SERPINB10: variants seen among roughly 807,000 people sequenced by gnomAD.
SERPINB10 encodes the protein serpin B10.
A neutral mutation model predicts 39.1 loss-of-function variants in SERPINB10; 35 were observed. The ratio of observed to expected loss-of-function variants is 0.90; its 90% CI spans 0.68 to 1.19. The LOEUF is 1.19. Among genes scored for constraint, SERPINB10 ranks in the 50% most tolerant of loss-of-function variants. The pLI, the probability that SERPINB10 is intolerant of heterozygous loss-of-function variation, is 0.00. For missense variants in SERPINB10, 546 were observed against 460.5 expected (o/e 1.19, Z -1.70); for synonymous variants, 190 against 158.1 (o/e 1.20, Z -1.52).
chr18:63,919,930 C>A, intron 5 of SERPINB10, 25 bp downstream of exon 5: 1 of 1,450,858 alleles, frequency 6.9e-7, no homozygotes, highest in Non-Finnish European at 9.5e-7. Context: ...AGGGGTTTGG[C>A]AGCGTGCTTT....
chr18:63,934,904 G>A lies in SERPINB10; in HGVS notation c.856G>A (p.Glu286Lys). 1 of 1,614,204 alleles carries A rather than the reference G, an allele frequency of 6.2e-7. No individual in the cohort carries two copies. Among genetic ancestry groups the A allele is most frequent in the Non-Finnish European group, 8.5e-7 (1 of 1,180,026 alleles). The change falls in exon 8 of 8, where the codon GAA (glutamate) becomes AAA (lysine). Residue 286 changes from glutamate to lysine, a missense_variant. Physicochemically the swap from Glu to Lys is moderately conservative, Grantham distance 56. Coordinates refer to ENST00000238508, the MANE Select transcript of SERPINB10 (RefSeq NM_005024.3). ...CAGTGCAGACATGATGGAGTTGTATGAAGTGCAGCTACACCTTCCCAAGTT... is the reference window on the plus strand; with the variant it reads ...CAGTGCAGACATGATGGAGTTGTATAAAGTGCAGCTACACCTTCCCAAGTT... ...WTSADMMELYEVQLHLPKFKL... is the reference protein window; with the variant it reads ...WTSADMMELYKVQLHLPKFKL...
At chr18:63,915,974 T>C (rs1403747996) in intron 2 of SERPINB10, among the ~76,000 whole-genome samples, 1 of 152,044 alleles carries the variant, frequency 6.6e-6, no homozygotes, top group African/African-American at 2.4e-5. Flanking sequence ...ATTTTGATGA[T>C]ATTATTTCAA....
rs201620640 is a variant in SERPINB10 at position 63,917,504 on chromosome 18, GA to G, written c.226del (p.Arg76GlyfsTer7). The G allele has an allele frequency of 1.0e-3, 1,581 of 1,527,916 alleles. No homozygotes were observed. The highest frequency in any genetic ancestry group is 1.2e-3 in the Non-Finnish European group (1,333 of 1,132,082). The allele number at this position is 1,527,916 out of a possible 1,614,324, so 94.6% of individuals were successfully genotyped here. A position where few individuals can be genotyped will look rare whatever the true frequency, so the allele number is the denominator to read the frequency against. ...DQGVKCDPES[E>X]KKRKMEFNLS... The stretch of plus-strand genomic sequence containing the variant: ...GGGAGTCAAATGTGACCCTGAAAGT[GA>G]AAAAAAAAGGAAAATGGTATATCTT... On this transcript the variant is annotated frameshift_variant, in exon 3 of 8. Transcript: ENST00000238508. LOFTEE classifies it high-confidence loss of function.
At chr18:63,915,747 G>T in intron 2 of SERPINB10, 69 bp downstream of exon 2, 1 of 1,337,652 alleles carries the variant, frequency 7.5e-7, no homozygotes, top group Non-Finnish European at 1.0e-6. Context: ...TTTAACTTCA[G>T]TTTTCTCTTG....
chr18:63,927,374 C>G (rs559285952), intron 5 of SERPINB10, among the ~76,000 whole-genome samples: 1 of 152,018 alleles, frequency 6.6e-6, no homozygotes, highest in Non-Finnish European at 1.5e-5. Context: ...TCCATTACAG[C>G]TGCTATAACA....
intron 5 of SERPINB10, among the ~76,000 whole-genome samples, chr18:63,920,514 TC>T (rs1412703412): frequency 6.6e-6 from 1 of 152,006 alleles, no homozygotes; most frequent in Non-Finnish European, 1.5e-5. Flanking sequence ...ATACATGGCT[TC>T]CATCTCTAGG....
intron 1 of SERPINB10, among the ~76,000 whole-genome samples, chr18:63,910,658 C>T (rs2050057578): frequency 6.6e-6 from 1 of 152,014 alleles, no homozygotes; most frequent in African/African-American, 2.4e-5. Context: ...CATAGTATTC[C>T]ATGGTGTGTA....
intron 5 of SERPINB10, among the ~76,000 whole-genome samples, chr18:63,922,205 A>C (rs551217100): frequency 7.9e-4 from 120 of 152,102 alleles, no homozygotes; most frequent in African/African-American, 2.8e-3. Flanking sequence ...TGGCAGCCCT[A>C]AGTGCTCAGT....
chr18:63,914,306 A>T (rs2050086569), intron 1 of SERPINB10, among the ~76,000 whole-genome samples: 1 of 151,978 alleles, frequency 6.6e-6, no homozygotes, highest in Non-Finnish European at 1.5e-5. Context: ...TCCTATTGCG[A>T]AGTTATTAGC....
chr18:63,918,132 T>A, intron 4 of SERPINB10, 30 bp downstream of exon 4: 1 of 1,609,364 alleles, frequency 6.2e-7, no homozygotes, highest in South Asian at 1.1e-5. Context: ...TTTAAGCTAA[T>A]GGAAAAGAAA....
At chr18:63,920,877 A>T (rs143269224) in intron 5 of SERPINB10, among the ~76,000 whole-genome samples, 1 of 152,052 alleles carries the variant, frequency 6.6e-6, no homozygotes, top group Non-Finnish European at 1.5e-5. Flanking sequence ...TCAGGGTTTT[A>T]TTTCTAAAAG....
chr18:63,917,565 G>A (rs1249451424), intron 3 of SERPINB10, 44 bp downstream of exon 3: 3 of 1,156,326 alleles, frequency 2.6e-6, no homozygotes, highest in Non-Finnish European at 2.4e-6. Context: ...TAAGGAAAAA[G>A]TACTTTTAGC....
rs67094942 is a variant in SERPINB10 at position 63,916,347 on chromosome 18, T to TA, written c.168+684dup. 4.7e-3 allele frequency among the ~76,000 whole-genome samples: 638 copies of TA among 136,598 alleles called. 3 individuals are homozygous for TA. The highest frequency in any genetic ancestry group is 0.014 in the East Asian group (65 of 4,670). 89.6% of individuals were successfully genotyped at this position (136,598 alleles called of 152,430 possible). On this transcript the variant is annotated intron_variant, in intron 2 of 7. Coordinates refer to ENST00000238508, the MANE Select transcript of SERPINB10 (RefSeq NM_005024.3). The stretch of plus-strand genomic sequence containing the variant: ...ATGTATATATAAATGTGATTTTAAA[T>TA]AAAAAAAAAAAAAAACAGAAGGAGT...
chr18:63,918,523 C>T (rs1385328302), intron 4 of SERPINB10, among the ~76,000 whole-genome samples: 1 of 151,988 alleles, frequency 6.6e-6, no homozygotes, highest in Non-Finnish European at 1.5e-5. Context: ...CCAATGCAGA[C>T]CATGATGACT....
chr18:63,932,918 T>C, intron 6 of SERPINB10, 130 bp from the exon 7 acceptor site: 2 of 804,236 alleles, frequency 2.5e-6, no homozygotes. Flanking sequence ...TGGATAACTT[T>C]ATTCAGCATT....
chr18:63,934,401 TTAGAG>T (rs1210682588), intron 7 of SERPINB10, among the ~76,000 whole-genome samples: 1 of 152,200 alleles, frequency 6.6e-6, no homozygotes, highest in Non-Finnish European at 1.5e-5. Context: ...GTTGTTTTGA[TTAGAG>T]TATAGACGTG....
intron 1 of SERPINB10, among the ~76,000 whole-genome samples, chr18:63,912,072 G>T (rs1300333911): frequency 1.3e-5 from 2 of 151,514 alleles, no homozygotes; most frequent in East Asian, 3.9e-4. Flanking sequence ...GTCTTGAGTT[G>T]GCTCCCTGTT....
rs1284186357 is a variant in SERPINB10 at position 63,935,060 on chromosome 18, C to G, written c.1012C>G (p.His338Asp). 1 of 1,614,164 alleles carries G rather than the reference C, an allele frequency of 6.2e-7. No individual in the cohort carries two copies. The highest frequency in any genetic ancestry group is 1.3e-5 in the African/African-American group (1 of 75,044). Reference protein sequence around the residue: ...ARNLFLSNVFHKAFVEINEQG... With the variant: ...ARNLFLSNVFDKAFVEINEQG... ...AAACCTATTTTTGTCCAATGTTTTC[C>G]ATAAGGCTTTTGTGGAAATAAATGA... The change falls in exon 8 of 8, where the codon CAT becomes GAT. Residue 338 changes from histidine to aspartate, a missense_variant. By Grantham distance (81) the His-to-Asp change is moderately conservative (BLOSUM62 -1). Coordinates refer to ENST00000238508, the MANE Select transcript of SERPINB10 (RefSeq NM_005024.3).
At chr18:63,923,212 T>G (rs1219107957) in intron 5 of SERPINB10, among the ~76,000 whole-genome samples, 3 of 152,000 alleles carry the variant, frequency 2.0e-5, no homozygotes, top group Non-Finnish European at 2.9e-5. Flanking sequence ...GAAGCAGAAT[T>G]GTCTAGAGAG....
Sources: allele counts gnomAD v4.1 joint callset (sites outside exome capture counted in the v4.1 genomes callset), GRCh38; gene constraint gnomAD v4.1.1; transcripts MANE v1.5; gene names NCBI Gene and HGNC (gene_info 2026-07-23, HGNC 2026-07-21).